Variants in NT5C2 observed in about 807,000 individuals in gnomAD.
The protein encoded by NT5C2 is 5'-nucleotidase, cytosolic II.
A neutral mutation model predicts 76.1 loss-of-function variants in NT5C2; 58 were observed. That is an observed-to-expected ratio of 0.76 (90% confidence interval 0.62 to 0.95). NT5C2 has a LOEUF of 0.95. Among genes scored for constraint, NT5C2 ranks in the 40% least tolerant of loss-of-function variants. NT5C2 has a pLI of 0.00. For synonymous variants in NT5C2, 229 were observed against 237.4 expected (o/e 0.96, Z 0.32); for missense variants, 478 against 690.3 (o/e 0.69, Z 3.45).
intron 1 of NT5C2, among the ~76,000 whole-genome samples, chr10:103,189,139 A>C (rs1037855902): frequency 4.0e-5 from 6 of 151,878 alleles, no homozygotes; most frequent in African/African-American, 1.4e-4. Context: ...GCATGTTTTC[A>C]TTACAGATGC....
intron 4 of NT5C2, among the ~76,000 whole-genome samples, chr10:103,111,303 T>C (rs776061919): frequency 1.3e-5 from 2 of 152,172 alleles, no homozygotes; most frequent in Non-Finnish European, 1.5e-5. Context: ...GAAGAAGCTA[T>C]TTTAAGGGCT....
intron 3 of NT5C2, chr10:103,153,610 G>A: frequency 1.0e-6 from 1 of 985,402 alleles, no homozygotes; most frequent in Non-Finnish European, 1.2e-6. Flanking sequence ...GCAAGTTCCT[G>A]TAAGAGACAG....
Position 103,090,955 on chromosome 10 carries a change from G to C in NT5C2, c.1253C>G (p.Ser418Cys). The C allele has an allele frequency of 6.2e-7, 1 of 1,613,866 alleles. No individual in the cohort carries two copies. Among genetic ancestry groups the C allele is most frequent in the Non-Finnish European group, 8.5e-7 (1 of 1,179,900 alleles). The change falls in exon 17 of 19, where the codon TCC becomes TGC. Residue 418 changes from serine to cysteine, a missense_variant. Ser to Cys is a moderately radical substitution (Grantham distance 112). Transcript: ENST00000404739. The part of the protein sequence containing the change: ...SSSNERPDIS[S>C]IQRRIKKVTH... ...GGATACCTTAATACGTCTCTGGATG[G>C]AACTGATGTCTGGACGCTCATTGCT...
At chr10:103,139,371 C>T in intron 4 of NT5C2, 35 bp downstream of exon 4, 1 of 1,425,122 alleles carries the variant, frequency 7.0e-7, no homozygotes, top group Non-Finnish European at 9.7e-7. Flanking sequence ...ATACCCAAAG[C>T]AGCAGTTCTT....
intron 4 of NT5C2, among the ~76,000 whole-genome samples, chr10:103,113,793 T>A (rs764029094): frequency 6.6e-6 from 1 of 152,242 alleles, no homozygotes. Context: ...CCAGGAAGTC[T>A]TCTTAAAACC....
intron 6 of NT5C2, among the ~76,000 whole-genome samples, chr10:103,101,569 C>T (rs1358097867): frequency 6.7e-6 from 1 of 149,498 alleles, no homozygotes; most frequent in Non-Finnish European, 1.5e-5. Context: ...TGGACTCAAA[C>T]TCCTGAAGAT....
chr10:103,173,853 T>C (rs1335992266), intron 3 of NT5C2, among the ~76,000 whole-genome samples: 1 of 151,908 alleles, frequency 6.6e-6, no homozygotes, highest in African/African-American at 2.4e-5. Flanking sequence ...CCTAGCACTC[T>C]AGGATGCCGA....
chr10:103,102,626 A>C (rs961690421), intron 6 of NT5C2, among the ~76,000 whole-genome samples: 1 of 151,548 alleles, frequency 6.6e-6, no homozygotes, highest in African/African-American at 2.4e-5. Context: ...AGAGATTACC[A>C]AGGTAAAATA....
At chr10:103,112,817 T>C (rs2073367614) in intron 4 of NT5C2, among the ~76,000 whole-genome samples, 1 of 152,236 alleles carries the variant, frequency 6.6e-6, no homozygotes, top group Non-Finnish European at 1.5e-5. Flanking sequence ...TGCTCATCTA[T>C]TTAGCTGTAG....
intron 8 of NT5C2, among the ~76,000 whole-genome samples, chr10:103,100,233 G>C (rs1266044025): frequency 6.6e-6 from 1 of 152,186 alleles, no homozygotes; most frequent in Non-Finnish European, 1.5e-5. Flanking sequence ...CAAATACAAA[G>C]TGATAGAAGA....
chr10:103,103,273 A>C (rs1351755079), intron 6 of NT5C2, among the ~76,000 whole-genome samples: 1 of 152,212 alleles, frequency 6.6e-6, no homozygotes, highest in East Asian at 1.9e-4. Context: ...CCCTGTCTTA[A>C]GTCACTCTTC....
chr10:103,097,365 G>T lies in NT5C2; in HGVS notation c.697C>A (p.Pro233Thr), dbSNP rs752467649. The change falls in exon 11 of 19, where the codon CCT becomes ACT. Residue 233 changes from proline to threonine, a missense_variant. Pro to Thr is a conservative substitution (Grantham distance 38, BLOSUM62 -1). Transcript: ENST00000404739. ...EKYVVKDGKLPLLLSRMKEVG... is the reference protein window; with the variant it reads ...EKYVVKDGKLTLLLSRMKEVG... ...TCCTTCATCCGGCTCAGAAGCAAAG[G>T]CAGTTTTCCCTGAAATGTAATTGGA... 2 of 1,613,162 alleles carry T rather than the reference G, an allele frequency of 1.2e-6. No homozygotes were observed. Among genetic ancestry groups the T allele is most frequent in the Non-Finnish European group, 1.7e-6 (2 of 1,179,414 alleles).
At chr10:103,175,916 C>G (rs183356642) in intron 2 of NT5C2, 2 of 156,630 alleles carry the variant, frequency 1.3e-5, no homozygotes, top group East Asian at 3.6e-4. Context: ...GAGCAAGGTG[C>G]CTGTAGCAAC....
intron 2 of NT5C2, among the ~76,000 whole-genome samples, chr10:103,177,593 C>G (rs556539322): frequency 6.6e-6 from 1 of 151,920 alleles, no homozygotes; most frequent in African/African-American, 2.4e-5. Context: ...ATGATCATAG[C>G]TCACTGTAAC....
intron 3 of NT5C2, among the ~76,000 whole-genome samples, chr10:103,142,852 G>A (rs921293035): frequency 7.2e-5 from 11 of 151,842 alleles, no homozygotes; most frequent in East Asian, 1.9e-4. Flanking sequence ...GCATGGTGGC[G>A]TGTTCCTGTA....
chr10:103,150,028 T>G (rs2082131743), intron 3 of NT5C2, among the ~76,000 whole-genome samples: 1 of 152,176 alleles, frequency 6.6e-6, no homozygotes, highest in African/African-American at 2.4e-5. Flanking sequence ...ATCAGCAGGA[T>G]GAGGAGCTTC....
intron 4 of NT5C2, among the ~76,000 whole-genome samples, chr10:103,129,475 G>T (rs1591224344): frequency 9.2e-6 from 1 of 108,202 alleles, no homozygotes; most frequent in Non-Finnish European, 2.0e-5. Context: ...GGAGGGAGAT[G>T]GGGGGGTCAG....
At chr10:103,146,021 C>T (rs2081412613) in intron 3 of NT5C2, 6 of 978,498 alleles carry the variant, frequency 6.1e-6, no homozygotes, top group Non-Finnish European at 7.3e-6. Context: ...TAATTCAAAG[C>T]AGTATTACCT....
At chr10:103,182,794 C>T (rs1260891904) in intron 1 of NT5C2, among the ~76,000 whole-genome samples, 1 of 152,144 alleles carries the variant, frequency 6.6e-6, no homozygotes, top group Non-Finnish European at 1.5e-5. Context: ...CTAAATACAA[C>T]AACTTTCACT....
Sources: allele counts gnomAD v4.1 joint callset (sites outside exome capture counted in the v4.1 genomes callset), GRCh38; gene constraint gnomAD v4.1.1; transcripts MANE v1.5; gene names NCBI Gene and HGNC (gene_info 2026-07-23, HGNC 2026-07-21).